ZNF879: variants seen among roughly 807,000 people sequenced by gnomAD.
ZNF879 encodes the protein zinc finger protein 879.
A neutral mutation model predicts 44.3 loss-of-function variants in ZNF879; 32 were observed. The ratio of observed to expected loss-of-function variants is 0.72; its 90% confidence interval spans 0.54 to 0.97. ZNF879 has a LOEUF of 0.97. ZNF879 is among the 50% of genes least tolerant of loss of function. The pLI is 0.00. For missense variants in ZNF879, 621 were observed against 669.7 expected, an observed-to-expected ratio of 0.93 and a Z score of 0.80; for synonymous variants, 234 against 233.2, an observed-to-expected ratio of 1.00 and a Z score of -0.03.
In ZNF879 at chr5:179,035,048, CAAA is replaced by C. The variant is rs11396395; in HGVS notation, c.*1422_*1424del. ...TGAAACCACGTCTCCACTAAAAATACAAAAAAAAAAAAAAAATTAGCCGGCCAT... is the reference window on the plus strand; with the variant it reads ...TGAAACCACGTCTCCACTAAAAATACAAAAAAAAAAAAATTAGCCGGCCAT... On this transcript the variant is annotated 3_prime_UTR_variant, in exon 5 of 5. Coordinates refer to ENST00000444149, the MANE Select transcript of ZNF879 (RefSeq NM_001136116.3). 4 of 134,256 alleles carry C rather than the reference CAAA, an allele frequency of 3.0e-5. No individual in the cohort carries two copies. The highest frequency in any genetic ancestry group is 5.6e-5 in the African/African-American group (2 of 35,546). 8.3% of individuals were successfully genotyped at this position (134,256 alleles called of 1,614,324 possible).
chr5:179,023,816 G>A lies in ZNF879; in HGVS notation c.-124G>A, dbSNP rs1761173206. 6.6e-6 allele frequency: 1 copy of A among 152,292 alleles called. No homozygotes were observed. The highest frequency in any genetic ancestry group is 1.5e-5 in the Non-Finnish European group (1 of 68,076). The allele number at this position is 152,292 out of a possible 1,614,324, so 9.4% of individuals were successfully genotyped here. On this transcript the variant is annotated 5_prime_UTR_variant, in exon 1 of 5. Coordinates refer to ENST00000444149, the MANE Select transcript of ZNF879 (RefSeq NM_001136116.3). ...CCGGCGCGCAGGCGCAGTTGCGCCC[G>A]GCAGCGACGGGAAACGTCTCTGAAT...
rs1471023997 is a variant in ZNF879 at position 179,032,704 on chromosome 5, G to T, written c.756G>T (p.Arg252Ser). 1.3e-6 allele frequency: 2 copies of T among 1,557,650 alleles called. No individual in the cohort carries two copies. Among genetic ancestry groups the T allele is most frequent in the Non-Finnish European group, 1.7e-6 (2 of 1,151,186 alleles). Residue 252 changes from arginine to serine, a missense_variant, in exon 5 of 5, where the codon AGG becomes AGT. Transcript: ENST00000444149. ...SQSSSLTQHL[R>S]VHTGEKPYIC... is the part of the protein sequence containing the mutation. ...GCTCATCCCTAACTCAGCACTTGAG[G>T]GTTCATACAGGAGAGAAACCTTATA...
chr5:179,031,151 G>A (rs1025525498), intron 4 of ZNF879, among the ~76,000 whole-genome samples: 14 of 152,066 alleles, frequency 9.2e-5, no homozygotes, highest in East Asian at 1.9e-4. Flanking sequence ...CTTTCTCCCC[G>A]GCCCCATTAC....
chr5:179,023,850 C>G lies in ZNF879; in HGVS notation c.-90C>G, dbSNP rs1370860705. ...GGGAAACGTCTCTGAATTAGGTGTTCCGCTCGCCTCTTGTGCGGTGTGGAG... is the reference window on the plus strand; with the variant it reads ...GGGAAACGTCTCTGAATTAGGTGTTGCGCTCGCCTCTTGTGCGGTGTGGAG... On this transcript the variant is annotated 5_prime_UTR_variant, in exon 1 of 5. Transcript: ENST00000444149. The G allele has an allele frequency of 1.3e-5, 2 of 152,274 alleles. No homozygotes were observed. Among genetic ancestry groups the G allele is most frequent in the Non-Finnish European group, 2.9e-5 (2 of 68,048 alleles). The allele number at this position is 152,274 out of a possible 1,614,324, so 9.4% of individuals were successfully genotyped here.
In ZNF879 at chr5:179,033,971, A is replaced by C. The variant is rs891303195; in HGVS notation, c.*331A>C. ...CTGGGAAGCCTGCTGTTTATGTACA[A>C]GTACAGCCATAAAATCCAGACACAG... On this transcript the variant is annotated 3_prime_UTR_variant, in exon 5 of 5. Coordinates refer to ENST00000444149, the MANE Select transcript of ZNF879 (RefSeq NM_001136116.3). The C allele has an allele frequency of 2.1e-5, 4 of 191,562 alleles. No individual in the cohort carries two copies. The highest frequency in any genetic ancestry group is 9.3e-5 in the African/African-American group (4 of 42,904). The allele number at this position is 191,562 out of a possible 1,614,324, so 11.9% of individuals were successfully genotyped here. A position where few individuals can be genotyped will look rare whatever the true frequency, so the allele number is the denominator to read the frequency against.
intron 1 of ZNF879, 90 bp downstream of exon 1, chr5:179,023,994 TCCCCGGCTCCGGGCGTCCGAGCCG>T (rs1459247448): frequency 1.3e-5 from 2 of 151,912 alleles, no homozygotes; most frequent in Non-Finnish European, 2.9e-5. Flanking sequence ...GTCTGCCGAG[TCCCCGGCTCCGGGCGTCCGAGCCG>T]GGGCGGCCTC....
In ZNF879 at chr5:179,033,607, ATCT is replaced by A. The variant is rs1418526247; in HGVS notation, c.1660_1662del (p.Ser554del). ...GTGGGAAGGCTTTTAGTCAGAGCTCATCTCTTACTAATCATCAAAGGACTCATA... is the reference window on the plus strand; with the variant it reads ...GTGGGAAGGCTTTTAGTCAGAGCTCACTTACTAATCATCAAAGGACTCATA... On this transcript the variant is annotated inframe_deletion, in exon 5 of 5. Transcript: ENST00000444149. 1.3e-6 allele frequency: 2 copies of A among 1,530,714 alleles called. No homozygotes were observed. Among genetic ancestry groups the A allele is most frequent in the African/African-American group, 2.8e-5 (2 of 71,684 alleles). The allele number at this position is 1,530,714 out of a possible 1,614,324, so 94.8% of individuals were successfully genotyped here. A position where few individuals can be genotyped will look rare whatever the true frequency, so the allele number is the denominator to read the frequency against.
chr5:179,032,213 A>G lies in ZNF879; in HGVS notation c.265A>G (p.Ser89Gly), dbSNP rs556946833. The change falls in exon 5 of 5, where the codon AGC becomes GGC. Residue 89 changes from serine to glycine, a missense_variant. Transcript: ENST00000444149. Reference sequence around the variant, plus strand: ...TGTTTTGTCTACTTTAGGATGGGAAAGCTTGTTTGGAACCATAGTTTCTAA... The same window carrying G: ...TGTTTTGTCTACTTTAGGATGGGAAGGCTTGTTTGGAACCATAGTTTCTAA... ...VPQGAHLGWESLFGTIVSKEE... is the reference protein window; with the variant it reads ...VPQGAHLGWEGLFGTIVSKEE... The G allele has an allele frequency of 2.1e-5, 31 of 1,508,164 alleles. No homozygotes were observed. The highest frequency in any genetic ancestry group is 2.7e-5 in the Non-Finnish European group (31 of 1,132,486). The allele number at this position is 1,508,164 out of a possible 1,614,324, so 93.4% of individuals were successfully genotyped here.
chr5:179,030,572 T>C lies in ZNF879; in HGVS notation c.257-1633T>C, dbSNP rs183654005. ...GGAGGTAAAGGAAGCTTAATTTCAA[T>C]CCATTTTAATTTTTTAATTAAGTGA... On this transcript the variant is annotated intron_variant, in intron 4 of 4. Transcript: ENST00000444149. Among the ~76,000 whole-genome samples the C allele has an allele frequency of 1.8e-3, 273 of 152,334 alleles. 1 individual carries two copies. Among genetic ancestry groups the C allele is most frequent in the African/African-American group, 6.2e-3 (257 of 41,578 alleles).
At chr5:179,029,567 T>C (rs1412140078) in intron 4 of ZNF879, among the ~76,000 whole-genome samples, 1 of 152,228 alleles carries the variant, frequency 6.6e-6, no homozygotes. Context: ...AAATAAATCA[T>C]TGGTATCACA....
rs1462305968 is a variant in ZNF879, at chr5:179,033,339, C to T, written c.1391C>T (p.Ala464Val). 6.4e-7 allele frequency: 1 copy of T among 1,568,274 alleles called. No individual in the cohort carries two copies. Among genetic ancestry groups the T allele is most frequent in the Non-Finnish European group, 8.6e-7 (1 of 1,156,496 alleles). The stretch of plus-strand genomic sequence containing the variant: ...TATAATTGTAAGGAATGTGGAAAAG[C>T]CTTCAGTTCCCACTCAGGCGTTAAT... ...KPYNCKECGK[A>V]FSSHSGVNTH... Residue 464 changes from alanine to valine, a missense_variant, in exon 5 of 5, where the codon GCC (alanine) becomes GTC (valine). Ala to Val is a moderately conservative substitution (Grantham distance 64, BLOSUM62 0). Coordinates refer to ENST00000444149, the MANE Select transcript of ZNF879 (RefSeq NM_001136116.3).
At chr5:179,030,784 T>A (rs1561735818) in intron 4 of ZNF879, among the ~76,000 whole-genome samples, 1 of 152,198 alleles carries the variant, frequency 6.6e-6, no homozygotes, top group African/African-American at 2.4e-5. Flanking sequence ...GGAAATACAT[T>A]TCTTTTGAAT....
chr5:179,028,371 G>A lies in ZNF879; in HGVS notation c.256+244G>A, dbSNP rs78620652. Among the ~76,000 whole-genome samples, 273 of 152,262 alleles carry A rather than the reference G, an allele frequency of 1.8e-3. 1 individual carries two copies. Among genetic ancestry groups the A allele is most frequent in the African/African-American group, 6.2e-3 (257 of 41,562 alleles). On this transcript the variant is annotated intron_variant, in intron 4 of 4. Transcript: ENST00000444149. ...GAATATGTAATACAGTATATCATGT[G>A]TAAAGGTTTATAATTCTTTTATCTT...
At chr5:179,029,100 G>GTT (rs35623143) in intron 4 of ZNF879, among the ~76,000 whole-genome samples, 13 of 67,180 alleles carry the variant, frequency 1.9e-4, no homozygotes, top group African/African-American at 5.5e-4. Flanking sequence ...TCTGGCATCT[G>GTT]TTTTTTTTTT....
intron 4 of ZNF879, among the ~76,000 whole-genome samples, chr5:179,031,133 C>T (rs570111528): frequency 6.6e-6 from 1 of 152,312 alleles, no homozygotes; most frequent in East Asian, 1.9e-4. Flanking sequence ...TGCAGCTGCC[C>T]TTGTTCTCTT....
rs781277642 is a variant in ZNF879 at position 179,027,608 on chromosome 5, C to CT, written c.160+12dup. ...CATCCTGGTCTCACTGGGTAAGGAA[C>CT]TTTCCTCCTGATGCAGAATCTGCCA... On this transcript the variant is annotated intron_variant, in intron 3 of 4. Coordinates refer to ENST00000444149, the MANE Select transcript of ZNF879 (RefSeq NM_001136116.3). The CT allele has an allele frequency of 6.2e-7, 1 of 1,613,776 alleles. No individual in the cohort carries two copies. Among genetic ancestry groups the CT allele is most frequent in the Admixed American group, 1.7e-5 (1 of 59,950 alleles).
intron 4 of ZNF879, among the ~76,000 whole-genome samples, chr5:179,030,696 T>C (rs1266398565): frequency 1.6e-5 from 2 of 127,882 alleles, no homozygotes; most frequent in African/African-American, 3.2e-5. Context: ...TTCATTTTTA[T>C]AGTTTTCTGT....
Position 179,031,212 on chromosome 5 carries a change from C to T in ZNF879, c.257-993C>T, listed in dbSNP as rs190571505. On this transcript the variant is annotated intron_variant, in intron 4 of 4. Coordinates refer to ENST00000444149, the MANE Select transcript of ZNF879 (RefSeq NM_001136116.3). The stretch of plus-strand genomic sequence containing the variant: ...AGTGATCCTTTTTAAACAAAAACCA[C>T]ATCATTTCATGTCCCTTCTAGCCCT... Among the ~76,000 whole-genome samples, 141 of 152,312 alleles carry T rather than the reference C, an allele frequency of 9.3e-4. 1 individual carries two copies. Among genetic ancestry groups the T allele is most frequent in the Non-Finnish European group, 1.7e-3 (117 of 68,024 alleles).
At chr5:179,029,425 T>C (rs1012700833) in intron 4 of ZNF879, among the ~76,000 whole-genome samples, 1 of 152,188 alleles carries the variant, frequency 6.6e-6, no homozygotes, top group Non-Finnish European at 1.5e-5. Flanking sequence ...TGTGAGGCAA[T>C]TGACTGCAAG....
Sources: allele counts gnomAD v4.1 joint callset (sites outside exome capture counted in the v4.1 genomes callset), GRCh38; gene constraint gnomAD v4.1.1; transcripts MANE v1.5; gene names NCBI Gene and HGNC (gene_info 2026-07-23, HGNC 2026-07-21).